The following FIGN variants were observed in gnomAD, a reference collection of about 807,000 sequenced individuals.
FIGN encodes the protein fidgetin.
FIGN carries 11 observed loss-of-function variants against 51.3 expected under a neutral mutation model. The ratio of observed to expected loss-of-function variants is 0.21; its 90% CI spans 0.13 to 0.35. The LOEUF is 0.35. FIGN is among the 10% of genes least tolerant of loss of function. FIGN has a pLI of 1.00. For missense variants in FIGN, 857 were observed against 943.6 expected, an observed-to-expected ratio of 0.91 and a Z score of 1.20; for synonymous variants, 407 against 363.2, an observed-to-expected ratio of 1.12 and a Z score of -1.37.
chr2:163,690,996 T>C, intron 2 of FIGN, among the ~76,000 whole-genome samples: 1 of 152,188 alleles, frequency 6.6e-6, no homozygotes, highest in East Asian at 1.9e-4. Flanking sequence ...TTAACATTTT[T>C]CAATATGCTG....
intron 2 of FIGN, among the ~76,000 whole-genome samples, chr2:163,656,354 A>G (rs965501238): frequency 7.9e-5 from 12 of 152,322 alleles, no homozygotes; most frequent in African/African-American, 2.6e-4. Flanking sequence ...GAGTGAGATT[A>G]GAAATGAAAC....
chr2:163,684,016 T>C (rs1684106781), intron 2 of FIGN, among the ~76,000 whole-genome samples: 1 of 152,204 alleles, frequency 6.6e-6, no homozygotes, highest in African/African-American at 2.4e-5. Context: ...AATCTCTGTG[T>C]TTTTCCAATG....
intron 2 of FIGN, among the ~76,000 whole-genome samples, chr2:163,640,244 A>C (rs1022741526): frequency 2.0e-5 from 3 of 152,244 alleles, no homozygotes; most frequent in African/African-American, 7.2e-5. Context: ...AAAATACTGA[A>C]CTGGAAAATT....
At chr2:163,676,623 A>C (rs1236919610) in intron 2 of FIGN, among the ~76,000 whole-genome samples, 1 of 151,740 alleles carries the variant, frequency 6.6e-6, no homozygotes, top group Non-Finnish European at 1.5e-5. Flanking sequence ...TTTTGTAACA[A>C]CTATCAGAAA....
Position 163,702,086 on chromosome 2 carries a change from T to C in FIGN, c.25+32817A>G, listed in dbSNP as rs116799152. Among the ~76,000 whole-genome samples, 907 of 152,210 alleles carry C rather than the reference T, an allele frequency of 6.0e-3. 13 individuals are homozygous for C. The highest frequency in any genetic ancestry group is 0.02 in the African/African-American group (838 of 41,552). The stretch of plus-strand genomic sequence containing the variant: ...ACCAACACAAATTGAATAAGCCTGG[T>C]CCAAATGAAGCTTTCAAATACCCAT... On this transcript the variant is annotated intron_variant, in intron 2 of 2. Transcript: ENST00000333129.
chr2:163,698,420 C>A (rs1483793548), intron 2 of FIGN, among the ~76,000 whole-genome samples: 1 of 151,992 alleles, frequency 6.6e-6, no homozygotes, highest in East Asian at 1.9e-4. Flanking sequence ...CTCCTAGTCT[C>A]CCAATGCTAC....
intron 2 of FIGN, among the ~76,000 whole-genome samples, chr2:163,645,465 T>C (rs1258852718): frequency 6.6e-6 from 1 of 152,186 alleles, no homozygotes; most frequent in East Asian, 1.9e-4. Context: ...GTGGAGTTAC[T>C]GAAAGCAGCC....
chr2:163,638,987 A>G (rs1683267556), intron 2 of FIGN, among the ~76,000 whole-genome samples: 1 of 152,196 alleles, frequency 6.6e-6, no homozygotes, highest in Non-Finnish European at 1.5e-5. Flanking sequence ...CAAAACTGAT[A>G]TTTTACAGAT....
At chr2:163,632,016 C>T (rs150330334) in intron 2 of FIGN, among the ~76,000 whole-genome samples, 1,641 of 152,162 alleles carry the variant, frequency 0.011, 21 homozygotes, top group African/African-American at 0.034. Context: ...GGCATAGTGG[C>T]GCGTGCCTGT....
intron 2 of FIGN, among the ~76,000 whole-genome samples, chr2:163,687,067 C>T (rs1179066343): frequency 6.6e-6 from 1 of 152,102 alleles, no homozygotes; most frequent in Non-Finnish European, 1.5e-5. Flanking sequence ...CCAGAGACAT[C>T]TCTTTTGGTA....
chr2:163,653,135 C>T (rs752938303), intron 2 of FIGN, among the ~76,000 whole-genome samples: 6 of 152,114 alleles, frequency 3.9e-5, no homozygotes, highest in Non-Finnish European at 8.8e-5. Context: ...GCAGTACCTA[C>T]CTCATAGGAT....
intron 2 of FIGN, among the ~76,000 whole-genome samples, chr2:163,729,818 C>CA (rs1684897206): frequency 1.3e-5 from 2 of 152,186 alleles, no homozygotes; most frequent in Admixed American, 6.5e-5. Flanking sequence ...AATTGAAATT[C>CA]TCCTTTGGAT....
intron 2 of FIGN, among the ~76,000 whole-genome samples, chr2:163,620,851 T>TTGTG (rs71015594): frequency 0.12 from 17,119 of 147,462 alleles, 1,206 homozygotes; most frequent in Admixed American, 0.21. Flanking sequence ...GTGTAAATAT[T>TTGTG]TGTGTGTGTG....
At chr2:163,724,109 T>C (rs1409475234) in intron 2 of FIGN, among the ~76,000 whole-genome samples, 1 of 152,178 alleles carries the variant, frequency 6.6e-6, no homozygotes, top group Non-Finnish European at 1.5e-5. Flanking sequence ...TCTCTTCTTT[T>C]ATAAAAAAGT....
intron 2 of FIGN, among the ~76,000 whole-genome samples, chr2:163,649,246 C>T (rs1683432132): frequency 6.6e-6 from 1 of 152,164 alleles, no homozygotes; most frequent in Non-Finnish European, 1.5e-5. Context: ...TCCAAATGGC[C>T]TCCAATGAGC....
intron 2 of FIGN, among the ~76,000 whole-genome samples, chr2:163,718,614 T>C (rs1044605380): frequency 6.6e-6 from 1 of 152,148 alleles, no homozygotes; most frequent in Non-Finnish European, 1.5e-5. Context: ...ATCATTTTTA[T>C]TGGAAGTCTC....
Position 163,604,970 on chromosome 2 carries a change from C to G in FIGN, c.*4582G>C, listed in dbSNP as rs1373593967. The G allele has an allele frequency of 1.3e-5, 1 of 79,978 alleles. No homozygotes were observed. Among genetic ancestry groups the G allele is most frequent in the Non-Finnish European group, 2.3e-5 (1 of 44,272 alleles). The allele number at this position is 79,978 out of a possible 1,614,324, so 5.0% of individuals were successfully genotyped here. A position where few individuals can be genotyped will look rare whatever the true frequency, so the allele number is the denominator to read the frequency against. ...TTTTTTTTTTTGTATCATAAGACAA[C>G]AAGAAGGAATGAATGTGCTCCCAAC... On this transcript the variant is annotated 3_prime_UTR_variant, in exon 3 of 3. Coordinates refer to ENST00000333129, the MANE Select transcript of FIGN (RefSeq NM_018086.4).
chr2:163,648,842 T>C (rs1379320368), intron 2 of FIGN, among the ~76,000 whole-genome samples: 1 of 152,240 alleles, frequency 6.6e-6, no homozygotes, highest in Non-Finnish European at 1.5e-5. Flanking sequence ...TAGCTTGCAA[T>C]TCTATTTATG....
intron 2 of FIGN, among the ~76,000 whole-genome samples, chr2:163,663,042 G>A (rs984873226): frequency 2.0e-5 from 3 of 151,974 alleles, no homozygotes; most frequent in South Asian, 2.1e-4. Flanking sequence ...GCTTGAAAAC[G>A]AACTAATACA....
Sources: allele counts gnomAD v4.1 joint callset (sites outside exome capture counted in the v4.1 genomes callset), GRCh38; gene constraint gnomAD v4.1.1; transcripts MANE v1.5; gene names NCBI Gene and HGNC (gene_info 2026-07-23, HGNC 2026-07-21).